The following MICU1 variants were observed in gnomAD, a reference collection of about 807,000 sequenced individuals.
MICU1 encodes the protein mitochondrial calcium uptake 1.
In MICU1, 45 loss-of-function variants were observed where a neutral mutation model predicts 56.8. That is an observed-to-expected ratio of 0.79 (90% CI 0.62 to 1.02). The LOEUF is 1.02. MICU1 is among the 50% of genes least tolerant of loss of function. The pLI, the probability that MICU1 is intolerant of heterozygous loss-of-function variation, is 0.00. For missense variants in MICU1, 504 were observed against 587.1 expected, an observed-to-expected ratio of 0.86 and a Z score of 1.46; for synonymous variants, 186 against 195.1, an observed-to-expected ratio of 0.95 and a Z score of 0.39.
intron 6 of MICU1, among the ~76,000 whole-genome samples, chr10:72,507,633 ACTT>A (rs566661605): frequency 6.6e-6 from 1 of 152,082 alleles, no homozygotes; most frequent in Non-Finnish European, 1.5e-5. Flanking sequence ...GGTAGATGTC[ACTT>A]CTTAGTTTTT....
chr10:72,562,207 GCAGTGGCA>G (rs1840317524), intron 3 of MICU1, among the ~76,000 whole-genome samples: 1 of 130,152 alleles, frequency 7.7e-6, no homozygotes, highest in African/African-American at 3.1e-5. Context: ...AGGCTGAAGT[GCAGTGGCA>G]CAATCTCAGC....
chr10:72,403,359 A>T (rs1325032784), intron 10 of MICU1, among the ~76,000 whole-genome samples: 2 of 152,000 alleles, frequency 1.3e-5, no homozygotes, highest in Non-Finnish European at 2.9e-5. Context: ...CTGTCTCAAA[A>T]AAAAAAATTT....
intron 5 of MICU1, among the ~76,000 whole-genome samples, chr10:72,517,602 T>C (rs1783547340): frequency 6.6e-6 from 1 of 151,934 alleles, no homozygotes; most frequent in South Asian, 2.1e-4. Context: ...AATGATACAA[T>C]GGACTTTGGC....
chr10:72,533,793 TAAAAG>T lies in MICU1; in HGVS notation c.494-9_494-5del. On this transcript the variant is annotated splice_polypyrimidine_tract_variant and splice_region_variant and intron_variant, in intron 4 of 11. Coordinates refer to ENST00000361114, the MANE Select transcript of MICU1 (RefSeq NM_001195518.2). ...ATATATTGATCCAGACCCAAGTCTG[TAAAAG>T]AAAAGGAAAAAACATTTAGCTACTG... 2 of 1,581,368 alleles carry T rather than the reference TAAAAG, an allele frequency of 1.3e-6. No individual in the cohort carries two copies. The highest frequency in any genetic ancestry group is 1.2e-5 in the South Asian group (1 of 84,932).
intron 6 of MICU1, among the ~76,000 whole-genome samples, chr10:72,489,290 TCACACACACACACACA>T (rs67070756): frequency 0.029 from 4,048 of 141,638 alleles, 184 homozygotes; most frequent in African/African-American, 0.1. Context: ...CGAGACTCTG[TCACACACACACACACA>T]CACACACACA....
intron 8 of MICU1, among the ~76,000 whole-genome samples, chr10:72,439,253 A>T (rs1485838398): frequency 6.6e-6 from 1 of 152,230 alleles, no homozygotes; most frequent in Non-Finnish European, 1.5e-5. Context: ...AACATACACA[A>T]ATCAATAAAC....
At chr10:72,566,468 A>G (rs1209421958) in intron 2 of MICU1, among the ~76,000 whole-genome samples, 165 bp downstream of exon 2, 1 of 152,226 alleles carries the variant, frequency 6.6e-6, no homozygotes, top group Admixed American at 6.5e-5. Flanking sequence ...AGCATGTTGA[A>G]TTCTTTGAAA....
chr10:72,610,220 C>CACTGT lies in MICU1; in HGVS notation c.-2+15785_-2+15789dup, dbSNP rs1487795260. Among the ~76,000 whole-genome samples, 11 of 141,042 alleles carry CACTGT rather than the reference C, an allele frequency of 7.8e-5. 1 individual carries two copies. In the South Asian group the frequency reaches 2.4e-3, roughly 31 times the overall value. The allele number at this position is 141,042 out of a possible 152,430, so 92.5% of individuals were successfully genotyped here. Reference sequence around the variant, plus strand: ...AGGCTACAGTGAGCTATGATCACACCACTGTACTCCAGCATAAGTGACAGA... The same window carrying CACTGT: ...AGGCTACAGTGAGCTATGATCACACCACTGTACTGTACTCCAGCATAAGTGACAGA... On this transcript the variant is annotated intron_variant, in intron 1 of 11. Transcript: ENST00000361114.
intron 6 of MICU1, among the ~76,000 whole-genome samples, chr10:72,487,578 C>T (rs1866515438): frequency 6.6e-6 from 1 of 152,170 alleles, no homozygotes; most frequent in African/African-American, 2.4e-5. Flanking sequence ...TTTTGGGATG[C>T]TCAAGGCATT....
intron 8 of MICU1, among the ~76,000 whole-genome samples, chr10:72,463,104 C>A (rs976021467): frequency 9.2e-5 from 14 of 151,744 alleles, no homozygotes; most frequent in African/African-American, 3.4e-4. Flanking sequence ...TTCGCTCTTG[C>A]CCAGGCTGGA....
intron 1 of MICU1, among the ~76,000 whole-genome samples, chr10:72,580,569 T>C (rs1306583948): frequency 6.6e-6 from 1 of 152,170 alleles, no homozygotes; most frequent in Non-Finnish European, 1.5e-5. Flanking sequence ...CTCCACCTCC[T>C]GGGTTCAAGT....
intron 2 of MICU1, among the ~76,000 whole-genome samples, chr10:72,566,042 T>TC (rs1162022461): frequency 1.4e-5 from 2 of 138,278 alleles, no homozygotes; most frequent in Non-Finnish European, 1.6e-5. Context: ...TCATTTTCTT[T>TC]TTTTTTTTTT....
chr10:72,576,225 CAA>C (rs34829939), intron 1 of MICU1, among the ~76,000 whole-genome samples: 10 of 68,210 alleles, frequency 1.5e-4, no homozygotes, highest in African/African-American at 6.0e-4. Flanking sequence ...AAAAAAACAC[CAA>C]AAAAAAAAAA....
intron 11 of MICU1, among the ~76,000 whole-genome samples, chr10:72,369,885 A>G (rs1361562539): frequency 2.7e-5 from 4 of 147,110 alleles, no homozygotes; most frequent in Non-Finnish European, 6.0e-5. Context: ...ATTTTTGTAC[A>G]TATATATTTT....
intron 10 of MICU1, among the ~76,000 whole-genome samples, chr10:72,388,863 C>G (rs1862977161): frequency 6.6e-6 from 1 of 152,172 alleles, no homozygotes. Context: ...AGAACACAGA[C>G]TGGGAATTAG....
chr10:72,439,167 C>G (rs1333248632), intron 8 of MICU1, among the ~76,000 whole-genome samples: 1 of 152,144 alleles, frequency 6.6e-6, no homozygotes, highest in Non-Finnish European at 1.5e-5. Flanking sequence ...TACTGGCAAA[C>G]CAAATCCAGT....
chr10:72,465,194 G>T (rs910433869), intron 8 of MICU1, among the ~76,000 whole-genome samples: 9 of 151,946 alleles, frequency 5.9e-5, no homozygotes, highest in Non-Finnish European at 1.0e-4. Flanking sequence ...GTAGAGACAG[G>T]GTTTTGCCAT....
chr10:72,497,217 A>G (rs7086396), intron 6 of MICU1, among the ~76,000 whole-genome samples: 90,419 of 151,826 alleles, frequency 0.6, 27,686 homozygotes, highest in Non-Finnish European at 0.67. Context: ...ATGCCACTGC[A>G]TCCGGCTAAT....
intron 10 of MICU1, among the ~76,000 whole-genome samples, chr10:72,395,039 C>T (rs930576774): frequency 2.6e-5 from 4 of 151,278 alleles, no homozygotes; most frequent in African/African-American, 7.3e-5. Flanking sequence ...TTTAGCTGGG[C>T]GTGGTGGCGG....
Sources: gnomAD v4.1 joint callset for allele counts (sites outside exome capture counted in the v4.1 genomes callset) on GRCh38, gnomAD v4.1.1 for gene constraint, MANE v1.5 for transcripts, NCBI Gene and HGNC (gene_info 2026-07-23, HGNC 2026-07-21) for gene names.